Variants in CEP85L observed in about 807,000 individuals in gnomAD.
CEP85L encodes centrosomal protein of 85 kDa-like.
Under a neutral mutation model 100.3 loss-of-function variants are expected in CEP85L, and 60 were observed. That is an observed-to-expected ratio of 0.60 (90% CI 0.49 to 0.74). The LOEUF (loss-of-function observed/expected upper bound fraction) is 0.74, where lower values mean the gene tolerates loss of function less well. Ranked by LOEUF, CEP85L falls within the 30% of genes least tolerant of loss-of-function variation. CEP85L has a pLI of 0.00. For missense variants in CEP85L, 973 were observed against 936.2 expected (o/e 1.04, Z -0.51); for synonymous variants, 319 against 322.7 (o/e 0.99, Z 0.12).
chr6:118,504,264 A>C (rs767795694), intron 5 of CEP85L, among the ~76,000 whole-genome samples: 23 of 152,076 alleles, frequency 1.5e-4, no homozygotes, highest in Non-Finnish European at 3.2e-4. Flanking sequence ...AGTCCCAGCT[A>C]CTTAGGAGGC....
chr6:118,702,613 A>G (rs1002165068), intron 1 of CEP85L, among the ~76,000 whole-genome samples: 1 of 152,236 alleles, frequency 6.6e-6, no homozygotes, highest in Non-Finnish European at 1.5e-5. Flanking sequence ...AGACCTTTTG[A>G]TAAAACCTAC....
chr6:118,593,787 A>G (rs564451154), intron 2 of CEP85L, among the ~76,000 whole-genome samples: 93 of 151,580 alleles, frequency 6.1e-4, no homozygotes, highest in African/African-American at 2.2e-3. Flanking sequence ...ACCAGCTTCT[A>G]CTTCAACAGC....
At chr6:118,556,598 CT>C (rs1435967812) in intron 3 of CEP85L, among the ~76,000 whole-genome samples, 1 of 152,154 alleles carries the variant, frequency 6.6e-6, no homozygotes, top group Admixed American at 6.5e-5. Context: ...ACTTTCCTCT[CT>C]CAGGAATGGG....
intron 10 of CEP85L, 85 bp downstream of exon 10, chr6:118,479,786 C>A: frequency 1.6e-6 from 1 of 634,160 alleles, no homozygotes; most frequent in Non-Finnish European, 2.6e-6. Context: ...ACGATATATG[C>A]ATGCTTTAAT....
intron 5 of CEP85L, among the ~76,000 whole-genome samples, chr6:118,492,157 C>A (rs4307206): frequency 0.35 from 53,201 of 151,882 alleles, 10,326 homozygotes; most frequent in Non-Finnish European, 0.45. Flanking sequence ...ATAGGAGAAA[C>A]TTCATGAAAG....
intron 5 of CEP85L, chr6:118,502,829 A>G (rs1278231333): frequency 3.2e-6 from 2 of 629,210 alleles, no homozygotes; most frequent in Non-Finnish European, 6.0e-6. Flanking sequence ...TCAAAAAGCA[A>G]TGGGGATTTC....
rs571499400 is a variant in CEP85L at position 118,661,477 on chromosome 6, A to G, written c.-27-8669T>C. ...CTTTTTCTTTTAAAATTACATTTTT[A>G]TAAATAATAAAATTTTAATTGTGCT... On this transcript the variant is annotated intron_variant, in intron 1 of 13. Coordinates refer to the CEP85L transcript ENST00000368488. Among the ~76,000 whole-genome samples, 3 of 152,152 alleles carry G rather than the reference A, an allele frequency of 2.0e-5. No individual in the cohort carries two copies. The South Asian group carries it at 6.2e-4, about 32-fold the overall frequency.
chr6:118,669,464 G>T (rs1485423837), intron 1 of CEP85L, among the ~76,000 whole-genome samples: 1 of 152,054 alleles, frequency 6.6e-6, no homozygotes, highest in Non-Finnish European at 1.5e-5. Context: ...CCTTACATTT[G>T]ATTCTTTGTT....
intron 10 of CEP85L, among the ~76,000 whole-genome samples, chr6:118,475,857 T>A (rs1246898373): frequency 6.6e-6 from 1 of 152,116 alleles, no homozygotes; most frequent in Non-Finnish European, 1.5e-5. Flanking sequence ...CCACTGAGCG[T>A]GCTGAGGATT....
rs571191729 is a variant in CEP85L, at chr6:118,566,187, T to C, written c.362A>G (p.Asp121Gly). The part of the protein sequence containing the change: ...ISKLRESLTP[D>G]GSKWSTSLMQ... The stretch of plus-strand genomic sequence containing the variant: ...GAGGCTTGTACTCCATTTTGAGCCA[T>C]CTGGTGTCAATGATTCCCTAAGTTT... Residue 121 changes from aspartate to glycine, a missense_variant, in exon 3 of 13, where the codon GAT becomes GGT. Physicochemically the swap from Asp to Gly is moderately conservative, Grantham distance 94 (BLOSUM62 -1). Around this residue, in one of 3 missense-constraint regions of CEP85L, gnomAD observed 890 missense variants for 844.5 expected, o/e 1.05. Transcript: ENST00000368491. The C allele has an allele frequency of 6.2e-6, 10 of 1,614,162 alleles. No individual in the cohort carries two copies. Among genetic ancestry groups the C allele is most frequent in the African/African-American group, 4.0e-5 (3 of 75,034 alleles).
At chr6:118,511,254 A>T (rs1775947977) in intron 5 of CEP85L, 44 bp downstream of exon 5, 1 of 1,184,272 alleles carries the variant, frequency 8.4e-7, no homozygotes, top group South Asian at 1.2e-5. Flanking sequence ...TTATTAACAC[A>T]AGCTTTACTA....
chr6:118,485,229 T>C (rs1166861801), intron 6 of CEP85L, among the ~76,000 whole-genome samples: 1 of 152,200 alleles, frequency 6.6e-6, no homozygotes, highest in Non-Finnish European at 1.5e-5. Context: ...CTTCAAAACT[T>C]ACAGGGTTCT....
intron 5 of CEP85L, chr6:118,502,037 G>T: frequency 1.2e-6 from 1 of 835,468 alleles, no homozygotes; most frequent in South Asian, 1.5e-5. Flanking sequence ...AAACCAGATG[G>T]AACAAGAAGA....
chr6:118,543,737 T>G (rs1434002971), intron 3 of CEP85L, among the ~76,000 whole-genome samples: 1 of 152,172 alleles, frequency 6.6e-6, no homozygotes, highest in Non-Finnish European at 1.5e-5. Flanking sequence ...TACATGGCAA[T>G]GGACAGATCA....
intron 3 of CEP85L, among the ~76,000 whole-genome samples, chr6:118,534,361 T>TA (rs1421167734): frequency 9.2e-5 from 14 of 151,964 alleles, no homozygotes; most frequent in South Asian, 6.2e-4. Flanking sequence ...AAAATATCAC[T>TA]AAAAAAACTG....
chr6:118,472,640 A>C (rs1317206143), intron 10 of CEP85L, among the ~76,000 whole-genome samples: 1 of 152,212 alleles, frequency 6.6e-6, no homozygotes, highest in African/African-American at 2.4e-5. Flanking sequence ...TTAAGCTCTT[A>C]AAATATACTT....
chr6:118,490,003 A>G (rs897090565), intron 6 of CEP85L, among the ~76,000 whole-genome samples: 3 of 152,102 alleles, frequency 2.0e-5, no homozygotes, highest in African/African-American at 7.2e-5. Flanking sequence ...ACACGCACAC[A>G]CACACACAAA....
intron 5 of CEP85L, among the ~76,000 whole-genome samples, chr6:118,492,326 T>C (rs1461586273): frequency 6.6e-6 from 1 of 152,126 alleles, no homozygotes; most frequent in East Asian, 1.9e-4. Flanking sequence ...TCAATATGTA[T>C]TAATAGAATG....
At chr6:118,489,814 A>G (rs1774428969) in intron 6 of CEP85L, among the ~76,000 whole-genome samples, 1 of 152,192 alleles carries the variant, frequency 6.6e-6, no homozygotes, top group African/African-American at 2.4e-5. Flanking sequence ...TGAAATCAGG[A>G]TCTCTGAGCA....
Sources: allele counts gnomAD v4.1 joint callset (sites outside exome capture counted in the v4.1 genomes callset), GRCh38; gene constraint gnomAD v4.1.1; regional missense constraint gnomAD v4.1.1; transcripts MANE v1.5; gene names NCBI Gene and HGNC (gene_info 2026-07-23, HGNC 2026-07-21).